NBAS: variants seen among roughly 807,000 people sequenced by gnomAD.
The protein encoded by NBAS is NAG/BC035112 fusion.
NBAS carries 219 observed loss-of-function variants against 302.5 expected under a neutral mutation model. That is an observed-to-expected ratio of 0.72 (90% CI 0.65 to 0.81). The LOEUF is 0.81. Ranked by LOEUF, NBAS falls within the 30% of genes least tolerant of loss-of-function variation. NBAS has a pLI of 0.00. For synonymous variants in NBAS, 1,118 were observed against 1,021.6 expected (o/e 1.09, Z -1.80); for missense variants, 2,932 against 2,841.6 (o/e 1.03, Z -0.72).
chr2:15,447,900 T>A (rs1424047528), intron 21 of NBAS, among the ~76,000 whole-genome samples: 1 of 152,136 alleles, frequency 6.6e-6, no homozygotes, highest in Non-Finnish European at 1.5e-5. Context: ...AATCAAGGGT[T>A]TGGTTTCTGG....
At chr2:14,880,630 T>G in the NBAS span, among the ~76,000 whole-genome samples, 1 of 150,848 alleles carries the variant, frequency 6.6e-6, no homozygotes, top group Non-Finnish European at 1.5e-5. Flanking sequence ...GAGTAATCAG[T>G]CAGGAGAAAA....
rs1422723491 is a variant in NBAS, at chr2:15,554,107, C to A, written c.241G>T (p.Val81Phe). ...PAPFLLPDGL[V>F]RLVNKQINWH... ...TTTATCTGTTTATTAACCAAGCGAACCAGTCCATCAGGGAGCAAAAAAGGT... is the reference window on the plus strand; with the variant it reads ...TTTATCTGTTTATTAACCAAGCGAAACAGTCCATCAGGGAGCAAAAAAGGT... The change falls in exon 4 of 52, where the codon GTT becomes TTT. Residue 81 changes from valine (V) to phenylalanine (F), a missense_variant. Physicochemically the swap from Val to Phe is conservative, Grantham distance 50. Coordinates refer to ENST00000281513, the MANE Select transcript of NBAS (RefSeq NM_015909.4). 3.7e-6 allele frequency: 6 copies of A among 1,613,868 alleles called. No homozygotes were observed. The South Asian group carries it at 6.6e-5, about 18-fold the overall frequency.
intron 21 of NBAS, among the ~76,000 whole-genome samples, chr2:15,429,289 C>A (rs1677642108): frequency 6.6e-6 from 1 of 152,126 alleles, no homozygotes; most frequent in Non-Finnish European, 1.5e-5. Flanking sequence ...AGAATAAAGA[C>A]AAAAATTGTT....
rs531794205 is a variant in NBAS, at chr2:15,278,193, C to A, written c.5139-1092G>T. ...TTTTAAAACTTTCAGGGGAATGTGA[C>A]AACACTTGGGTTAAAAAGGGTAATC... On this transcript the variant is annotated intron_variant, in intron 42 of 51. Coordinates refer to ENST00000281513, the MANE Select transcript of NBAS (RefSeq NM_015909.4). Among the ~76,000 whole-genome samples the A allele has an allele frequency of 2.0e-5, 3 of 152,278 alleles. No individual in the cohort carries two copies. In the South Asian group the frequency reaches 6.2e-4, roughly 32 times the overall value.
chr2:14,887,254 A>T, the NBAS span, among the ~76,000 whole-genome samples: 1 of 152,076 alleles, frequency 6.6e-6, no homozygotes, highest in Non-Finnish European at 1.5e-5. Flanking sequence ...AACTACAAAA[A>T]TTATTCGGGC....
At chr2:15,451,805 G>A (rs1156335105) in intron 21 of NBAS, among the ~76,000 whole-genome samples, 1 of 152,258 alleles carries the variant, frequency 6.6e-6, no homozygotes, top group East Asian at 1.9e-4. Context: ...AAAAGATGAA[G>A]AAGAGGTTCT....
chr2:15,266,060 CT>C (rs1395686750), intron 44 of NBAS, among the ~76,000 whole-genome samples: 1 of 152,146 alleles, frequency 6.6e-6, no homozygotes, highest in Non-Finnish European at 1.5e-5. Context: ...CCCCATGCTG[CT>C]GCTGTGATAG....
At chr2:15,275,861 T>C in intron 43 of NBAS, 43 bp from the exon 44 acceptor site, 10 of 1,554,688 alleles carry the variant, frequency 6.4e-6, no homozygotes, top group Non-Finnish European at 8.8e-6. Context: ...TTCATTCCAA[T>C]GTAAACATAG....
chr2:14,970,621 T>C, the NBAS span, among the ~76,000 whole-genome samples: 1 of 152,218 alleles, frequency 6.6e-6, no homozygotes, highest in Non-Finnish European at 1.5e-5. Context: ...CTCTTGGATC[T>C]GCATTAGAGG....
intron 44 of NBAS, among the ~76,000 whole-genome samples, chr2:15,253,954 CT>C (rs1228546545): frequency 1.3e-5 from 2 of 152,180 alleles, no homozygotes; most frequent in African/African-American, 4.8e-5. Context: ...TGCCCCAAAA[CT>C]CAACCGCCTT....
the NBAS span, among the ~76,000 whole-genome samples, chr2:15,111,907 TATTA>T: frequency 1.4e-5 from 2 of 147,708 alleles, no homozygotes; most frequent in East Asian, 1.9e-4. Flanking sequence ...TTATATATTA[TATTA>T]ATTAAATATT....
chr2:15,146,196 C>G, the NBAS span, among the ~76,000 whole-genome samples: 1 of 152,038 alleles, frequency 6.6e-6, no homozygotes, highest in Non-Finnish European at 1.5e-5. Flanking sequence ...GCTTCAGTGT[C>G]CCCATTTGTG....
intron 32 of NBAS, among the ~76,000 whole-genome samples, chr2:15,360,067 CAT>C (rs1355236860): frequency 6.6e-6 from 1 of 151,942 alleles, no homozygotes; most frequent in African/African-American, 2.4e-5. Context: ...TGTATCTAAA[CAT>C]AGAAAAGGTA....
At chr2:14,802,910 G>T in the NBAS span, among the ~76,000 whole-genome samples, 1 of 119,862 alleles carries the variant, frequency 8.3e-6, no homozygotes, top group Non-Finnish European at 1.7e-5. Flanking sequence ...GAGGGGGGAG[G>T]GATAGCATTG....
At chr2:15,291,976 T>C (rs1670324483) in intron 41 of NBAS, among the ~76,000 whole-genome samples, 1 of 152,172 alleles carries the variant, frequency 6.6e-6, no homozygotes, top group Non-Finnish European at 1.5e-5. Flanking sequence ...AAAATCATTA[T>C]TTGATATTTT....
At chr2:15,438,801 T>A (rs914395702) in intron 21 of NBAS, among the ~76,000 whole-genome samples, 4 of 152,090 alleles carry the variant, frequency 2.6e-5, no homozygotes, top group African/African-American at 9.7e-5. Flanking sequence ...GAGGGGTCCC[T>A]CTAGTCATTG....
chr2:15,558,002 G>A (rs1664724684), intron 2 of NBAS, among the ~76,000 whole-genome samples: 1 of 152,160 alleles, frequency 6.6e-6, no homozygotes, highest in Admixed American at 6.5e-5. Context: ...GTCTCTCAGT[G>A]TATTTTCACC....
At chr2:15,110,868 A>G in the NBAS span, among the ~76,000 whole-genome samples, 1 of 152,312 alleles carries the variant, frequency 6.6e-6, no homozygotes, top group African/African-American at 2.4e-5. Context: ...AAATCGTGAA[A>G]ACCTCTAACA....
chr2:15,192,535 G>C (rs1303845777), intron 48 of NBAS, among the ~76,000 whole-genome samples: 1 of 152,146 alleles, frequency 6.6e-6, no homozygotes, highest in Non-Finnish European at 1.5e-5. Context: ...CAGGACAAAA[G>C]ACGGCAGGTT....
Sources: allele counts gnomAD v4.1 joint callset (sites outside exome capture counted in the v4.1 genomes callset), GRCh38; gene constraint gnomAD v4.1.1; transcripts MANE v1.5; gene names NCBI Gene and HGNC (gene_info 2026-07-23, HGNC 2026-07-21).